The following CA10 variants were observed in gnomAD, a reference collection of about 807,000 sequenced individuals.
The protein encoded by CA10 is carbonic anhydrase-related protein 10.
CA10 carries 14 observed loss-of-function variants against 44.2 expected under a neutral mutation model. The observed-to-expected ratio is 0.32, with a 90% CI of 0.21 to 0.50. The LOEUF is 0.50. Ranked by LOEUF, CA10 falls within the 20% of genes least tolerant of loss-of-function variation. The probability of loss-of-function intolerance (pLI) is 0.99; values close to 1 mark genes in which losing one functional copy is unlikely to be tolerated. For missense variants in CA10, 350 were observed against 409.7 expected, an observed-to-expected ratio of 0.85 and a Z score of 1.26; for synonymous variants, 159 against 141.6, an observed-to-expected ratio of 1.12 and a Z score of -0.87.
intron 1 of CA10, among the ~76,000 whole-genome samples, chr17:52,113,834 G>T (rs376856905): frequency 1.3e-5 from 2 of 152,212 alleles, no homozygotes; most frequent in African/African-American, 4.8e-5. Flanking sequence ...GGCTAACAAT[G>T]TGTGTTAATC....
chr17:51,835,954 G>A (rs1461879982), intron 3 of CA10, among the ~76,000 whole-genome samples: 1 of 152,096 alleles, frequency 6.6e-6, no homozygotes, highest in East Asian at 1.9e-4. Flanking sequence ...GGAAGAACAT[G>A]AATAAAGGCA....
In CA10 at chr17:51,831,681, G is replaced by GCAGCATCAGCAGCAGCAT. The variant is rs1451111517; in HGVS notation, c.280-83864_280-83863insATGCTGCTGCTGATGCTG. 1.1e-3 allele frequency among the ~76,000 whole-genome samples: 80 copies of GCAGCATCAGCAGCAGCAT among 70,342 alleles called. 2 individuals carry two copies. Among genetic ancestry groups the GCAGCATCAGCAGCAGCAT allele is most frequent in the African/African-American group, 3.5e-3 (78 of 22,606 alleles). 46.1% of individuals were successfully genotyped at this position (70,342 alleles called of 152,430 possible). A position where few individuals can be genotyped will look rare whatever the true frequency, so the allele number is the denominator to read the frequency against. On this transcript the variant is annotated intron_variant, in intron 3 of 8. Coordinates refer to ENST00000451037, the MANE Select transcript of CA10 (RefSeq NM_020178.5). ...GAGAAAAGAAAAAGCAGCAGCAGCAGCAGCAGCAGCAGCAGCAGCAGCAGC... is the reference window on the plus strand; with the variant it reads ...GAGAAAAGAAAAAGCAGCAGCAGCAGCAGCATCAGCAGCAGCATCAGCAGCAGCAGCAGCAGCAGCAGC...
At chr17:51,878,344 G>T (rs1980183475) in intron 3 of CA10, among the ~76,000 whole-genome samples, 1 of 151,910 alleles carries the variant, frequency 6.6e-6, no homozygotes, top group Non-Finnish European at 1.5e-5. Context: ...AGAAGCCCCT[G>T]CATTAGTTGT....
chr17:51,745,070 C>G (rs1041156959), intron 4 of CA10, among the ~76,000 whole-genome samples: 3 of 152,138 alleles, frequency 2.0e-5, no homozygotes, highest in Non-Finnish European at 2.9e-5. Flanking sequence ...TGTGACCACC[C>G]TACTTGGGAA....
intron 2 of CA10, among the ~76,000 whole-genome samples, chr17:52,043,682 A>G: frequency 6.6e-6 from 1 of 152,120 alleles, no homozygotes; most frequent in Non-Finnish European, 1.5e-5. Flanking sequence ...GTATAATGTT[A>G]GCAGTGGGCT....
At chr17:51,732,330 T>A (rs994982508) in intron 4 of CA10, among the ~76,000 whole-genome samples, 1 of 152,274 alleles carries the variant, frequency 6.6e-6, no homozygotes, top group Non-Finnish European at 1.5e-5. Context: ...GTGTACATTA[T>A]GGATTGCTTA....
rs972689871 is a variant in CA10 at position 51,840,517 on chromosome 17, G to T, written c.279+90473C>A. Among the ~76,000 whole-genome samples the T allele has an allele frequency of 5.0e-5, 7 of 139,206 alleles. No individual in the cohort carries two copies. In the Admixed American group the frequency reaches 5.2e-4, roughly 10 times the overall value. The allele number at this position is 139,206 out of a possible 152,430, so 91.3% of individuals were successfully genotyped here. A position where few individuals can be genotyped will look rare whatever the true frequency, so the allele number is the denominator to read the frequency against. On this transcript the variant is annotated intron_variant, in intron 3 of 8. Transcript: ENST00000451037. ...CACACACACACACACACACACACACGTACTATAGTTTCTTATATCTATAAT... is the reference window on the plus strand; with the variant it reads ...CACACACACACACACACACACACACTTACTATAGTTTCTTATATCTATAAT...
intron 2 of CA10, among the ~76,000 whole-genome samples, chr17:52,016,208 A>G (rs1311113726): frequency 6.6e-6 from 1 of 152,120 alleles, no homozygotes; most frequent in East Asian, 1.9e-4. Context: ...AGTGCTTTGT[A>G]GCCATCCTTT....
At chr17:51,911,056 C>T (rs1207968766) in intron 3 of CA10, among the ~76,000 whole-genome samples, 4 of 152,108 alleles carry the variant, frequency 2.6e-5, no homozygotes, top group South Asian at 2.1e-4. Flanking sequence ...AAAGTGGAGA[C>T]GGCTGTGGGC....
chr17:51,886,722 A>G (rs1439027428), intron 3 of CA10, among the ~76,000 whole-genome samples: 1 of 152,230 alleles, frequency 6.6e-6, no homozygotes, highest in African/African-American at 2.4e-5. Flanking sequence ...CTAGTAAAGA[A>G]TATTGTCCTC....
chr17:52,033,109 G>C (rs1356050170), intron 2 of CA10, among the ~76,000 whole-genome samples: 1 of 152,112 alleles, frequency 6.6e-6, no homozygotes, highest in African/African-American at 2.4e-5. Flanking sequence ...TTTTGCGTTG[G>C]GTCATGAAGG....
chr17:51,896,913 C>T (rs1981094324), intron 3 of CA10, among the ~76,000 whole-genome samples: 1 of 150,338 alleles, frequency 6.7e-6, no homozygotes, highest in South Asian at 2.1e-4. Flanking sequence ...ATGTCCTTTG[C>T]CCACTTTTAA....
chr17:52,012,570 G>C (rs192800128), intron 2 of CA10, among the ~76,000 whole-genome samples: 2 of 151,988 alleles, frequency 1.3e-5, no homozygotes, highest in African/African-American at 4.8e-5. Flanking sequence ...TTATACATAA[G>C]GAAATACTCC....
intron 4 of CA10, among the ~76,000 whole-genome samples, chr17:51,670,489 T>A (rs1914375957): frequency 6.8e-6 from 1 of 146,786 alleles, no homozygotes. Context: ...CCGCATTCCT[T>A]TTTTTTTTTT....
intron 3 of CA10, among the ~76,000 whole-genome samples, chr17:51,853,157 G>T (rs1388746431): frequency 6.6e-6 from 1 of 152,152 alleles, no homozygotes; most frequent in African/African-American, 2.4e-5. Flanking sequence ...AATTATATTT[G>T]TTGTTTAATA....
intron 1 of CA10, among the ~76,000 whole-genome samples, chr17:52,119,623 C>A (rs1271529700): frequency 2.0e-5 from 3 of 152,130 alleles, no homozygotes. Context: ...ATCTCAGATT[C>A]CTTGTGGAAC....
Position 51,831,710 on chromosome 17 carries a change from A to AGCGGCG in CA10, c.280-83893_280-83892insCGCCGC, listed in dbSNP as rs1555604073. 6.2e-4 allele frequency among the ~76,000 whole-genome samples: 64 copies of AGCGGCG among 102,882 alleles called. 1 individual carries two copies. Among genetic ancestry groups the AGCGGCG allele is most frequent in the Admixed American group, 2.2e-3 (22 of 10,186 alleles). The allele number at this position is 102,882 out of a possible 152,430, so 67.5% of individuals were successfully genotyped here. A position where few individuals can be genotyped will look rare whatever the true frequency, so the allele number is the denominator to read the frequency against. The stretch of plus-strand genomic sequence containing the variant: ...CAGCAGCAGCAGCAGCAGCAGCAGC[A>AGCGGCG]GCAGCAGCAGCAGCAGCAGCAGAAA... On this transcript the variant is annotated intron_variant, in intron 3 of 8. Coordinates refer to ENST00000451037, the MANE Select transcript of CA10 (RefSeq NM_020178.5).
chr17:51,707,125 T>C (rs1036843429), intron 4 of CA10, among the ~76,000 whole-genome samples: 5 of 152,204 alleles, frequency 3.3e-5, no homozygotes, highest in Admixed American at 1.3e-4. Context: ...TAGATTCTCA[T>C]AGAAGCAATG....
chr17:51,651,223 A>G (rs1454743528), intron 5 of CA10, among the ~76,000 whole-genome samples: 6 of 152,186 alleles, frequency 3.9e-5, no homozygotes, highest in Non-Finnish European at 8.8e-5. Context: ...GACAACTACA[A>G]GAGGCTGTGC....
Sources: allele counts gnomAD v4.1 joint callset (sites outside exome capture counted in the v4.1 genomes callset), GRCh38; gene constraint gnomAD v4.1.1; transcripts MANE v1.5; gene names NCBI Gene and HGNC (gene_info 2026-07-23, HGNC 2026-07-21).